Variants in RB1CC1 observed in about 807,000 individuals in gnomAD.
The protein encoded by RB1CC1 is RB1 inducible coiled-coil 1.
RB1CC1 carries 46 observed loss-of-function variants against 177.5 expected under a neutral mutation model. The ratio of observed to expected loss-of-function variants is 0.26; its 90% confidence interval spans 0.20 to 0.33. The LOEUF is 0.33. Ranked by LOEUF, RB1CC1 falls within the 10% of genes least tolerant of loss-of-function variation. RB1CC1 has a pLI of 1.00. For synonymous variants in RB1CC1, 666 were observed against 613.6 expected (o/e 1.09, Z -1.26); for missense variants, 1,703 against 1,816.3 (o/e 0.94, Z 1.13).
At chr8:52,679,340 T>C (rs1853476643) in intron 5 of RB1CC1, among the ~76,000 whole-genome samples, 1 of 152,210 alleles carries the variant, frequency 6.6e-6, no homozygotes, top group African/African-American at 2.4e-5. Context: ...TGACAGCATA[T>C]CTTCATATGT....
intron 15 of RB1CC1, among the ~76,000 whole-genome samples, chr8:52,652,920 G>C (rs1291527822): frequency 6.6e-6 from 1 of 152,102 alleles, no homozygotes; most frequent in African/African-American, 2.4e-5. Context: ...AGCCAGGCGT[G>C]GTGGTACATG....
chr8:52,665,226 AG>A (rs1440246812), intron 8 of RB1CC1, among the ~76,000 whole-genome samples: 1 of 152,240 alleles, frequency 6.6e-6, no homozygotes, highest in Non-Finnish European at 1.5e-5. Flanking sequence ...TAATAGACAA[AG>A]AACTATCTAG....
intron 1 of RB1CC1, among the ~76,000 whole-genome samples, chr8:52,712,002 C>A (rs1418152039): frequency 6.6e-6 from 1 of 152,134 alleles, no homozygotes; most frequent in Non-Finnish European, 1.5e-5. Context: ...GAGTTCAAGA[C>A]CAGCCTGGCC....
chr8:52,624,334 A>G (rs992897153), intron 23 of RB1CC1, among the ~76,000 whole-genome samples: 1 of 151,952 alleles, frequency 6.6e-6, no homozygotes, highest in African/African-American at 2.4e-5. Flanking sequence ...AATACTTTAC[A>G]CTACCTTTCT....
At chr8:52,687,161 C>A (rs1190532366) in intron 1 of RB1CC1, among the ~76,000 whole-genome samples, 194 bp from the exon 2 acceptor site, 1 of 152,082 alleles carries the variant, frequency 6.6e-6, no homozygotes, top group African/African-American at 2.4e-5. Context: ...ACAAAAGTCA[C>A]CAATAAATTC....
At position 52,683,621 on chromosome 8, in the gene RB1CC1, T is replaced by C. The variant is rs964692001; in HGVS notation, c.297A>G (p.Glu99=). 8 of 1,612,946 alleles carry C rather than the reference T, an allele frequency of 5.0e-6. No homozygotes were observed. Among genetic ancestry groups the C allele is most frequent in the Non-Finnish European group, 6.8e-6 (8 of 1,179,584 alleles). The change falls in exon 5 of 24, where the codon GAA becomes GAG. Residue 99 remains glutamate (E), a synonymous_variant. Coordinates refer to ENST00000025008, the MANE Select transcript of RB1CC1 (RefSeq NM_014781.5). ...KTTFSTENDM[E]IKVEESLMMP... is the part of the protein sequence containing the mutation. ...TCATAAGAGATTCTTCAACTTTTAT[T>C]TCCATGTCATTTTCTGTCGAAAAGG...
In RB1CC1 at chr8:52,685,708, A is replaced by G. The variant is rs1854216529; in HGVS notation, c.-51-188T>C. Reference sequence around the variant, plus strand: ...TTAAAAAAAAATAAAAATAAATAGTAATGAGTTTAGTGAAAAGAAAAGCAT... The same window carrying G: ...TTAAAAAAAAATAAAAATAAATAGTGATGAGTTTAGTGAAAAGAAAAGCAT... On this transcript the variant is annotated intron_variant, in intron 2 of 23. Transcript: ENST00000025008. 2.0e-5 allele frequency among the ~76,000 whole-genome samples: 3 copies of G among 152,278 alleles called. No individual in the cohort carries two copies. The South Asian group carries it at 6.2e-4, about 32-fold the overall frequency.
intron 1 of RB1CC1, among the ~76,000 whole-genome samples, chr8:52,690,097 G>A (rs974324144): frequency 6.6e-6 from 1 of 152,194 alleles, no homozygotes; most frequent in African/African-American, 2.4e-5. Flanking sequence ...AAGTCATGCA[G>A]ATCTGAGAGA....
intron 1 of RB1CC1, among the ~76,000 whole-genome samples, chr8:52,690,529 C>A (rs999215880): frequency 6.6e-5 from 10 of 152,076 alleles, no homozygotes; most frequent in Non-Finnish European, 1.3e-4. Context: ...TTTATGTGAT[C>A]AAAGGAGGCC....
At chr8:52,710,110 C>T (rs1160994935) in intron 1 of RB1CC1, among the ~76,000 whole-genome samples, 2 of 152,176 alleles carry the variant, frequency 1.3e-5, no homozygotes, top group African/African-American at 2.4e-5. Flanking sequence ...CCACCACAAA[C>T]GGAGTGTCTA....
chr8:52,686,796 CATT>C (rs1175705226), intron 2 of RB1CC1, 54 bp downstream of exon 2: 3 of 342,188 alleles, frequency 8.8e-6, no homozygotes, highest in Admixed American at 8.3e-5. Flanking sequence ...TTTCCAGAAT[CATT>C]ATTTTAAAGG....
At chr8:52,713,758 G>A (rs1022281383) in intron 1 of RB1CC1, among the ~76,000 whole-genome samples, 1 of 152,232 alleles carries the variant, frequency 6.6e-6, no homozygotes, top group South Asian at 2.1e-4. Flanking sequence ...GCAGAGGGAG[G>A]GATCCCAAGG....
chr8:52,711,800 C>A (rs748672514), intron 1 of RB1CC1, among the ~76,000 whole-genome samples: 1 of 152,226 alleles, frequency 6.6e-6, no homozygotes, highest in African/African-American at 2.4e-5. Flanking sequence ...TCATACCAGT[C>A]CAGCTTCAGT....
Position 52,676,390 on chromosome 8 carries a change from T to A in RB1CC1, c.551A>T (p.Asp184Val). 1 of 1,606,028 alleles carries A rather than the reference T, an allele frequency of 6.2e-7. No homozygotes were observed. The highest frequency in any genetic ancestry group is 8.5e-7 in the Non-Finnish European group (1 of 1,176,588). The stretch of plus-strand genomic sequence containing the variant: ...ATACTGAGTAAGTTTTAACTTGATG[T>A]CTTCTATGGACTGCAGATAATTTGA... ...IYSNYLQSIEDIKLKLTHLGT... is the reference protein window; with the variant it reads ...IYSNYLQSIEVIKLKLTHLGT... The change falls in exon 6 of 24, where the codon GAC becomes GTC. Residue 184 changes from aspartate (D) to valine (V), a missense_variant. Transcript: ENST00000025008.
At chr8:52,625,025 CA>C (rs1291345308) in intron 22 of RB1CC1, among the ~76,000 whole-genome samples, 1 of 152,046 alleles carries the variant, frequency 6.6e-6, no homozygotes. Context: ...CATGATATGT[CA>C]AATCACAGAA....
At chr8:52,687,732 C>T (rs956603225) in intron 1 of RB1CC1, among the ~76,000 whole-genome samples, 1 of 152,172 alleles carries the variant, frequency 6.6e-6, no homozygotes, top group Non-Finnish European at 1.5e-5. Flanking sequence ...AAGACCTCAG[C>T]CCTGGCCAAC....
At chr8:52,627,654 A>T (rs1848490806) in intron 22 of RB1CC1, among the ~76,000 whole-genome samples, 1 of 152,234 alleles carries the variant, frequency 6.6e-6, no homozygotes. Context: ...GATAGACTAG[A>T]CATTTTATAA....
chr8:52,661,579 G>C lies in RB1CC1; in HGVS notation c.1314C>G (p.Thr438=). 6.2e-7 allele frequency: 1 copy of C among 1,610,122 alleles called. No individual in the cohort carries two copies. Among genetic ancestry groups the C allele is most frequent in the Non-Finnish European group, 8.5e-7 (1 of 1,178,752 alleles). ...TATTTGCTAGTTCTTGTTTGGCAGT[G>C]GTACACTTCTGCTTAATATCTAACA... ...RKLLDIKQKC[T]TAKQELANNL... Residue 438 remains threonine, a synonymous_variant, in exon 9 of 24, where the codon ACC becomes ACG. Transcript: ENST00000025008.
chr8:52,648,224 C>T (rs1850233324), intron 15 of RB1CC1, among the ~76,000 whole-genome samples: 1 of 152,118 alleles, frequency 6.6e-6, no homozygotes, highest in South Asian at 2.1e-4. Flanking sequence ...GCAAAGATTG[C>T]ACAGGTTATG....
Sources: allele counts gnomAD v4.1 joint callset (sites outside exome capture counted in the v4.1 genomes callset), GRCh38; gene constraint gnomAD v4.1.1; transcripts MANE v1.5; gene names NCBI Gene and HGNC (gene_info 2026-07-23, HGNC 2026-07-21).